The following NUP98 variants were observed in gnomAD, a reference collection of about 807,000 sequenced individuals.
NUP98 encodes nuclear pore complex protein Nup98-Nup96.
A neutral mutation model predicts 191.9 loss-of-function variants in NUP98; 26 were observed. The ratio of observed to expected loss-of-function variants is 0.14; its 90% CI spans 0.10 to 0.19. The LOEUF (loss-of-function observed/expected upper bound fraction) is 0.19. NUP98 is among the 10% of genes least tolerant of loss of function. NUP98 has a pLI of 1.00. For synonymous variants in NUP98, 808 were observed against 778.4 expected, an observed-to-expected ratio of 1.04 and a Z score of -0.63; for missense variants, 1,941 against 2,178.8, an observed-to-expected ratio of 0.89 and a Z score of 2.17.
rs148723202 is a variant in NUP98, at chr11:3,787,245, G to C, written c.-28-5100C>G. On this transcript the variant is annotated intron_variant, in intron 1 of 32. Transcript: ENST00000324932. ...CTTCTGTTTTACAGTATCCTCCCTA[G>C]GATAGATCTTTGATCAAGCCATTCC... 4.5e-4 allele frequency among the ~76,000 whole-genome samples: 68 copies of C among 152,254 alleles called. 1 individual carries two copies. Among genetic ancestry groups the C allele is most frequent in the Admixed American group, 7.8e-4 (12 of 15,290 alleles).
intron 11 of NUP98, 97 bp downstream of exon 11, chr11:3,753,219 T>C (rs2080831347): frequency 1.9e-6 from 2 of 1,046,170 alleles, no homozygotes; most frequent in African/African-American, 1.6e-5. Flanking sequence ...GGTAGACTTC[T>C]TAATTCCAGT....
chr11:3,792,282 C>T (rs945468717), intron 1 of NUP98, among the ~76,000 whole-genome samples: 1 of 144,408 alleles, frequency 6.9e-6, no homozygotes, highest in Non-Finnish European at 1.5e-5. Flanking sequence ...TGGGTGGAAA[C>T]AGAAACAACT....
intron 22 of NUP98, 92 bp from the exon 23 acceptor site, chr11:3,702,984 T>A (rs2078756104): frequency 1.9e-6 from 2 of 1,056,106 alleles, no homozygotes; most frequent in Non-Finnish European, 2.8e-6. Flanking sequence ...AAGGCTGAAA[T>A]CATTCAATGT....
rs75235962 is a variant in NUP98 at position 3,797,308 on chromosome 11, G to A, written c.-29+92C>T. On this transcript the variant is annotated intron_variant, in intron 1 of 32. Transcript: ENST00000324932. ...CGCAGCGGCGCTAGACTTCGAAGCGGAGAGGCCCTGAGACGCCCCGCGCGT... is the reference window on the plus strand; with the variant it reads ...CGCAGCGGCGCTAGACTTCGAAGCGAAGAGGCCCTGAGACGCCCCGCGCGT... 2,555 of 398,454 alleles carry A rather than the reference G, an allele frequency of 6.4e-3. 49 individuals carry two copies. Among genetic ancestry groups the A allele is most frequent in the African/African-American group, 0.043 (2,077 of 48,640 alleles). 24.7% of individuals were successfully genotyped at this position (398,454 alleles called of 1,614,324 possible).
In NUP98 at chr11:3,691,451, A is replaced by C. The variant is rs886144422; in HGVS notation, c.4350T>G (p.Leu1450=). The change falls in exon 28 of 33, where the codon CTT becomes CTG. Residue 1450 remains leucine, a synonymous_variant. Transcript: ENST00000324932. ...SDSDRYACSP[L]PSYLEGSGCV... ...AGCCAGAACCCTCCAGATACGAAGG[A>C]AGTGGGGAGCAGGCATATCTGTCAC... 6.2e-6 allele frequency: 10 copies of C among 1,614,072 alleles called. No individual in the cohort carries two copies. Among genetic ancestry groups the C allele is most frequent in the Non-Finnish European group, 8.5e-6 (10 of 1,180,036 alleles).
At chr11:3,698,336 G>A (rs1021744520) in intron 25 of NUP98, among the ~76,000 whole-genome samples, 6 of 152,150 alleles carry the variant, frequency 3.9e-5, no homozygotes. Flanking sequence ...GATTTTGATT[G>A]ATAGCTTATC....
Position 3,768,758 on chromosome 11 carries a change from GAAAAAAA to G in NUP98, c.785-21_785-15del. Reference sequence around the variant, plus strand: ...ATCCAGTTGTACCTTTTAGGAAAAAGAAAAAAAAAAGAAAAAAGAAATAATAAAAAAA... The same window carrying G: ...ATCCAGTTGTACCTTTTAGGAAAAAGAAAGAAAAAAGAAATAATAAAAAAA... On this transcript the variant is annotated splice_polypyrimidine_tract_variant and intron_variant, in intron 7 of 32. Transcript: ENST00000324932. The G allele has an allele frequency of 1.2e-6, 1 of 800,496 alleles. No individual in the cohort carries two copies. The highest frequency in any genetic ancestry group is 1.5e-6 in the Non-Finnish European group (1 of 645,988). The allele number at this position is 800,496 out of a possible 1,614,324, so 49.6% of individuals were successfully genotyped here.
intron 10 of NUP98, among the ~76,000 whole-genome samples, chr11:3,757,349 T>C (rs1018302524): frequency 2.0e-5 from 3 of 151,332 alleles, no homozygotes; most frequent in African/African-American, 7.3e-5. Context: ...TAGCCAGGTG[T>C]GGTGGTGCAT....
intron 9 of NUP98, among the ~76,000 whole-genome samples, 196 bp downstream of exon 9, chr11:3,762,706 T>C (rs773024772): frequency 3.3e-5 from 5 of 152,236 alleles, no homozygotes; most frequent in Non-Finnish European, 7.3e-5. Flanking sequence ...AATTTACTAA[T>C]TGAAAACAAA....
intron 9 of NUP98, among the ~76,000 whole-genome samples, 182 bp downstream of exon 9, chr11:3,762,720 G>A (rs776518273): frequency 6.6e-6 from 1 of 152,154 alleles, no homozygotes; most frequent in Non-Finnish European, 1.5e-5. Context: ...AAACAAACCT[G>A]AAGTTAACCT....
chr11:3,734,224 C>T (rs1006769248), intron 13 of NUP98, among the ~76,000 whole-genome samples: 54 of 152,172 alleles, frequency 3.5e-4, no homozygotes, highest in African/African-American at 1.3e-3. Context: ...TTCATAGAGA[C>T]GGGGTTTCAC....
rs1343845616 is a variant in NUP98, at chr11:3,699,241, C to T, written c.3850G>A (p.Glu1284Lys). The T allele has an allele frequency of 2.5e-6, 4 of 1,614,128 alleles. No homozygotes were observed. The highest frequency in any genetic ancestry group is 2.2e-5 in the South Asian group (2 of 91,082). The change falls in exon 25 of 33, where the codon GAG becomes AAG. Residue 1284 changes from glutamate to lysine, a missense_variant. By Grantham distance (56) the Glu-to-Lys change is moderately conservative. Transcript: ENST00000324932. ...CAGCGGGAGAAAGCTCTTCTTCGCT[C>T]CAGAATTTGAATGTATTCACGGGGT... ...NEPREYIQIL[E>K]RRRAFSRWLS... is the part of the protein sequence containing the mutation.
At chr11:3,696,173 A>G (rs758203304) in intron 25 of NUP98, among the ~76,000 whole-genome samples, 7 of 152,058 alleles carry the variant, frequency 4.6e-5, no homozygotes, top group African/African-American at 9.7e-5. Context: ...CCTGGGCAAC[A>G]AGAGCGAGAC....
At chr11:3,784,817 A>G (rs1175166913) in intron 1 of NUP98, among the ~76,000 whole-genome samples, 1 of 152,064 alleles carries the variant, frequency 6.6e-6, no homozygotes, top group Admixed American at 6.6e-5. Flanking sequence ...AGACATTTGC[A>G]TTCAGAAAAA....
At chr11:3,769,859 C>G (rs112262883) in intron 7 of NUP98, among the ~76,000 whole-genome samples, 1 of 151,286 alleles carries the variant, frequency 6.6e-6, no homozygotes, top group Non-Finnish European at 1.5e-5. Flanking sequence ...CTGGCCAAGA[C>G]GGTAAAACCC....
intron 8 of NUP98, among the ~76,000 whole-genome samples, chr11:3,764,475 T>A (rs2081273639): frequency 6.6e-6 from 1 of 152,254 alleles, no homozygotes; most frequent in South Asian, 2.1e-4. Context: ...CTGGGTCATA[T>A]CGTAACTCTG....
chr11:3,796,974 C>CACTT (rs1190280661), intron 1 of NUP98, among the ~76,000 whole-genome samples: 2 of 152,228 alleles, frequency 1.3e-5, no homozygotes, highest in Non-Finnish European at 2.9e-5. Flanking sequence ...TCGGGGTGCC[C>CACTT]ACTTCCCTTA....
At chr11:3,695,683 C>A in intron 25 of NUP98, 77 bp from the exon 26 acceptor site, 1 of 1,029,318 alleles carries the variant, frequency 9.7e-7, no homozygotes, top group Non-Finnish European at 1.3e-6. Context: ...GCATTATCTT[C>A]ATTTCTTCCA....
intron 1 of NUP98, among the ~76,000 whole-genome samples, chr11:3,787,476 G>A (rs548051469): frequency 5.3e-5 from 8 of 152,194 alleles, no homozygotes; most frequent in African/African-American, 1.7e-4. Context: ...CCAGCTACTC[G>A]AGAGACTGAG....
Sources: gnomAD v4.1 joint callset for allele counts (sites outside exome capture counted in the v4.1 genomes callset) on GRCh38, gnomAD v4.1.1 for gene constraint, MANE v1.5 for transcripts, NCBI Gene and HGNC (gene_info 2026-07-23, HGNC 2026-07-21) for gene names.